TRAF5: variants seen among roughly 807,000 people sequenced by gnomAD.
The protein encoded by TRAF5 is TNF receptor-associated factor 5.
A neutral mutation model predicts 64.5 loss-of-function variants in TRAF5; 48 were observed. The observed-to-expected ratio is 0.74, with a 90% CI of 0.59 to 0.95. The LOEUF (loss-of-function observed/expected upper bound fraction) is 0.95. TRAF5 is among the 40% of genes least tolerant of loss of function. The probability of loss-of-function intolerance (pLI) is 0.00; values close to 1 mark genes in which losing one functional copy is unlikely to be tolerated. For missense variants in TRAF5, 545 were observed against 662.8 expected (o/e 0.82, Z 1.95); for synonymous variants, 206 against 240.5 (o/e 0.86, Z 1.33).
intron 1 of TRAF5, among the ~76,000 whole-genome samples, chr1:211,350,472 T>C (rs1702753268): frequency 6.6e-6 from 1 of 152,244 alleles, no homozygotes; most frequent in South Asian, 2.1e-4. Context: ...TCCAGGATGG[T>C]GCTGTACTGG....
chr1:211,366,803 G>A (rs1343841711), intron 8 of TRAF5, among the ~76,000 whole-genome samples: 3 of 152,186 alleles, frequency 2.0e-5, no homozygotes, highest in Non-Finnish European at 2.9e-5. Flanking sequence ...GTGGCCTTCC[G>A]TGTAGCCTAA....
intron 1 of TRAF5, among the ~76,000 whole-genome samples, chr1:211,335,297 A>G (rs1036159664): frequency 5.9e-5 from 9 of 152,124 alleles, no homozygotes; most frequent in Non-Finnish European, 1.3e-4. Flanking sequence ...ATGAAGATGA[A>G]TAATACAATG....
At chr1:211,355,306 A>G (rs1299698490) in intron 3 of TRAF5, among the ~76,000 whole-genome samples, 2 of 152,210 alleles carry the variant, frequency 1.3e-5, no homozygotes, top group Non-Finnish European at 2.9e-5. Context: ...TTTGAAGCAC[A>G]AAAAATTTTC....
chr1:211,330,445 C>G (rs1175430936), intron 1 of TRAF5, among the ~76,000 whole-genome samples: 1 of 151,810 alleles, frequency 6.6e-6, no homozygotes, highest in Non-Finnish European at 1.5e-5. Context: ...CGTACACTCC[C>G]AAGTCAGCTC....
intron 4 of TRAF5, 85 bp from the exon 5 acceptor site, chr1:211,359,827 T>C: frequency 6.4e-7 from 1 of 1,550,456 alleles, no homozygotes; most frequent in Admixed American, 1.7e-5. Flanking sequence ...CACCCTGTTC[T>C]CTCTCCCTCC....
At chr1:211,366,648 A>C (rs566545008) in intron 8 of TRAF5, among the ~76,000 whole-genome samples, 153 of 152,282 alleles carry the variant, frequency 1.0e-3, no homozygotes, top group African/African-American at 3.5e-3. Flanking sequence ...TTGTGGAAGA[A>C]GGACATCCAA....
In TRAF5 at chr1:211,371,410, G is replaced by A. The variant is rs369840198; in HGVS notation, c.1039G>A (p.Glu347Lys). 6.2e-6 allele frequency: 10 copies of A among 1,611,450 alleles called. No homozygotes were observed. Among genetic ancestry groups the A allele is most frequent in the Non-Finnish European group, 5.9e-6 (7 of 1,179,550 alleles). Residue 347 changes from glutamate to lysine, a missense_variant, in exon 10 of 11, where the codon GAA (glutamate) becomes AAA (lysine). Coordinates refer to ENST00000261464, the MANE Select transcript of TRAF5 (RefSeq NM_001033910.3). ...TAAATTTGACCTGAGACCTTTGATG[G>A]AAGCAGTTGATACAGTGAAACAGAA... ...QNKFDLRPLM[E>K]AVDTVKQKIT...
Position 211,369,500 on chromosome 1 carries a change from C to A in TRAF5, c.838C>A (p.Gln280Lys). 2 of 1,610,736 alleles carry A rather than the reference C, an allele frequency of 1.2e-6. No individual in the cohort carries two copies. Among genetic ancestry groups the A allele is most frequent in the Non-Finnish European group, 1.7e-6 (2 of 1,178,940 alleles). ...AGAACAGAAAGAAAGTAAAATCCAGCAGCTAGCAGAAACTATAAAGAAACT... is the reference window on the plus strand; with the variant it reads ...AGAACAGAAAGAAAGTAAAATCCAGAAGCTAGCAGAAACTATAAAGAAACT... The part of the protein sequence containing the change: ...SLEQKESKIQ[Q>K]LAETIKKLEK... The change falls in exon 9 of 11, where the codon CAG becomes AAG. Residue 280 changes from glutamine (Q) to lysine (K), a missense_variant. Gln to Lys is a moderately conservative substitution (Grantham distance 53, BLOSUM62 1). Coordinates refer to ENST00000261464, the MANE Select transcript of TRAF5 (RefSeq NM_001033910.3).
intron 4 of TRAF5, 89 bp from the exon 5 acceptor site, chr1:211,359,823 G>C: frequency 6.5e-7 from 1 of 1,536,624 alleles, no homozygotes; most frequent in African/African-American, 1.4e-5. Flanking sequence ...TGCCCACCCT[G>C]TTCTCTCTCC....
Position 211,360,142 on chromosome 1 carries a change from A to C in TRAF5, c.543+66A>C. 2.8e-6 allele frequency: 4 copies of C among 1,452,168 alleles called. No homozygotes were observed. In the South Asian group the frequency reaches 3.7e-5, roughly 13 times the overall value. 90.0% of individuals were successfully genotyped at this position (1,452,168 alleles called of 1,614,324 possible). On this transcript the variant is annotated intron_variant, in intron 5 of 10. Transcript: ENST00000261464. ...AATTATGCCTGAGTGGTCACAGTGA[A>C]TCAGGTGGAATGCCAGAAGAACATT... is the stretch of plus-strand genomic sequence containing the variant.
At chr1:211,329,945 G>C (rs1702113632) in intron 1 of TRAF5, among the ~76,000 whole-genome samples, 1 of 152,154 alleles carries the variant, frequency 6.6e-6, no homozygotes, top group Non-Finnish European at 1.5e-5. Context: ...TTTATTTGAA[G>C]GATCACTCAG....
chr1:211,372,592 C>T lies in TRAF5; in HGVS notation c.1564C>T (p.Pro522Ser). The change falls in exon 11 of 11, where the codon CCC becomes TCC. Residue 522 changes from proline (P) to serine (S), a missense_variant. Coordinates refer to ENST00000261464, the MANE Select transcript of TRAF5 (RefSeq NM_001033910.3). ...DGEMNIASGCPRFVAHSVLEN... is the reference protein window; with the variant it reads ...DGEMNIASGCSRFVAHSVLEN... ...GGAGATGAACATTGCATCTGGCTGT[C>T]CCCGCTTTGTGGCTCATTCTGTTTT... is the stretch of plus-strand genomic sequence containing the variant. 1 of 1,614,174 alleles carries T rather than the reference C, an allele frequency of 6.2e-7. No homozygotes were observed. The highest frequency in any genetic ancestry group is 8.5e-7 in the Non-Finnish European group (1 of 1,180,040).
chr1:211,360,614 G>A, intron 5 of TRAF5, 88 bp from the exon 6 acceptor site: 1 of 1,040,578 alleles, frequency 9.6e-7, no homozygotes, highest in Non-Finnish European at 1.5e-6. Context: ...TAAGCCACGT[G>A]ACATATAATC....
At chr1:211,340,889 A>C (rs1485884834) in intron 1 of TRAF5, among the ~76,000 whole-genome samples, 1 of 152,134 alleles carries the variant, frequency 6.6e-6, no homozygotes. Flanking sequence ...TCCCACCTTT[A>C]TCTCTCAAAC....
chr1:211,371,753 G>C (rs1044578355), intron 10 of TRAF5, among the ~76,000 whole-genome samples: 2 of 152,200 alleles, frequency 1.3e-5, no homozygotes, highest in East Asian at 1.9e-4. Context: ...GAAAAATAAT[G>C]AGAAGACTCA....
In TRAF5 at chr1:211,369,470, A is replaced by C. The variant is rs771903666; in HGVS notation, c.808A>C (p.Ser270Arg). The C allele has an allele frequency of 7.5e-6, 12 of 1,593,218 alleles. No homozygotes were observed. In the South Asian group the frequency reaches 1.3e-4, roughly 17 times the overall value. The change falls in exon 9 of 11, where the codon AGC (serine) becomes CGC (arginine). Residue 270 changes from serine (S) to arginine (R), a missense_variant. Transcript: ENST00000261464. Reference sequence around the variant, plus strand: ...TTATTAGATTTCTGACTTACACAAGAGCCTAGAACAGAAAGAAAGTAAAAT... The same window carrying C: ...TTATTAGATTTCTGACTTACACAAGCGCCTAGAACAGAAAGAAAGTAAAAT... ...LEEQISDLHK[S>R]LEQKESKIQQ...
rs539272672 is a variant in TRAF5 at position 211,349,167 on chromosome 1, C to T, written c.-1-4072C>T. Among the ~76,000 whole-genome samples the T allele has an allele frequency of 9.9e-5, 15 of 152,124 alleles. 1 individual carries two copies. The highest frequency in any genetic ancestry group is 1.5e-5 in the Non-Finnish European group (1 of 68,022). On this transcript the variant is annotated intron_variant, in intron 1 of 10. Coordinates refer to ENST00000261464, the MANE Select transcript of TRAF5 (RefSeq NM_001033910.3). Reference sequence around the variant, plus strand: ...AGGTTACAGTGAGCCATGGTTACACCACTGCACTCCAGCCTGGGCTACAGA... The same window carrying T: ...AGGTTACAGTGAGCCATGGTTACACTACTGCACTCCAGCCTGGGCTACAGA...
chr1:211,329,336 G>A (rs552138354), intron 1 of TRAF5, among the ~76,000 whole-genome samples: 1 of 152,304 alleles, frequency 6.6e-6, no homozygotes, highest in African/African-American at 2.4e-5. Flanking sequence ...GGCAGAGAGA[G>A]GTTGAGCTCC....
At chr1:211,335,719 C>T (rs1702271962) in intron 1 of TRAF5, among the ~76,000 whole-genome samples, 1 of 152,036 alleles carries the variant, frequency 6.6e-6, no homozygotes, top group South Asian at 2.1e-4. Context: ...AAGATGTTTC[C>T]GGAAGAGACA....
Sources: allele counts gnomAD v4.1 joint callset (sites outside exome capture counted in the v4.1 genomes callset), GRCh38; gene constraint gnomAD v4.1.1; transcripts MANE v1.5; gene names NCBI Gene and HGNC (gene_info 2026-07-23, HGNC 2026-07-21).